The following SLC1A3 variants were observed in gnomAD, a reference collection of about 807,000 sequenced individuals.
SLC1A3 encodes excitatory amino acid transporter 1.
A neutral mutation model predicts 48.1 loss-of-function variants in SLC1A3; 21 were observed. The observed-to-expected ratio is 0.44, with a 90% CI of 0.31 to 0.63. The LOEUF is 0.63. Among genes scored for constraint, SLC1A3 ranks in the 20% least tolerant of loss-of-function variants. SLC1A3 has a pLI of 0.08. For missense variants in SLC1A3, 546 were observed against 689.0 expected (o/e 0.79, Z 2.32); for synonymous variants, 239 against 251.4 (o/e 0.95, Z 0.47).
At chr5:36,626,054 A>G (rs1322755828) in intron 2 of SLC1A3, among the ~76,000 whole-genome samples, 1 of 152,208 alleles carries the variant, frequency 6.6e-6, no homozygotes, top group African/African-American at 2.4e-5. Context: ...TCATTCATGG[A>G]GCTGGCTTAC....
intron 1 of SLC1A3, among the ~76,000 whole-genome samples, chr5:36,600,521 G>A (rs1335726612): frequency 6.6e-6 from 1 of 152,134 alleles, no homozygotes; most frequent in African/African-American, 2.4e-5. Context: ...AACAACTGAG[G>A]CCTGGGGTAC....
chr5:36,646,068 C>T (rs1302550736), intron 3 of SLC1A3, among the ~76,000 whole-genome samples: 1 of 152,218 alleles, frequency 6.6e-6, no homozygotes, highest in Non-Finnish European at 1.5e-5. Flanking sequence ...CCCCAGGAGA[C>T]TCTTTGGAGT....
intron 6 of SLC1A3, among the ~76,000 whole-genome samples, chr5:36,677,720 GA>G (rs1742271325): frequency 1.3e-5 from 2 of 152,320 alleles, no homozygotes; most frequent in Admixed American, 1.3e-4. Context: ...GGCCTCTGAG[GA>G]GGTGACGTAC....
intron 2 of SLC1A3, among the ~76,000 whole-genome samples, chr5:36,616,876 A>G (rs1739457832): frequency 6.6e-6 from 1 of 152,208 alleles, no homozygotes. Context: ...CCTGTGAAAA[A>G]AGTAGTCATG....
chr5:36,677,430 A>G (rs1044629901), intron 6 of SLC1A3, among the ~76,000 whole-genome samples: 1 of 152,222 alleles, frequency 6.6e-6, no homozygotes, highest in African/African-American at 2.4e-5. Flanking sequence ...GTGCTGATGG[A>G]ATCTCATTCC....
chr5:36,654,300 G>A (rs367775472), intron 3 of SLC1A3, among the ~76,000 whole-genome samples: 4 of 152,174 alleles, frequency 2.6e-5, no homozygotes, highest in East Asian at 1.9e-4. Context: ...AAATGTTCTC[G>A]TGCTGCAGAA....
chr5:36,621,212 A>C (rs1739653113), intron 2 of SLC1A3, among the ~76,000 whole-genome samples: 1 of 152,142 alleles, frequency 6.6e-6, no homozygotes, highest in Non-Finnish European at 1.5e-5. Context: ...GGCCGAACTA[A>C]ATCTTAAAGG....
At chr5:36,669,500 C>T (rs1324749797) in intron 3 of SLC1A3, 1 of 152,192 alleles carries the variant, frequency 6.6e-6, no homozygotes, top group Non-Finnish European at 1.5e-5. Context: ...TACACTGAAC[C>T]TAGTTACATA....
intron 6 of SLC1A3, among the ~76,000 whole-genome samples, chr5:36,678,562 A>G (rs1742304044): frequency 6.6e-6 from 1 of 152,172 alleles, no homozygotes; most frequent in South Asian, 2.1e-4. Context: ...TGAAAGAAGC[A>G]TTGTATTTTT....
At chr5:36,670,296 T>A (rs1438168527) in intron 3 of SLC1A3, among the ~76,000 whole-genome samples, 1 of 152,152 alleles carries the variant, frequency 6.6e-6, no homozygotes, top group Non-Finnish European at 1.5e-5. Context: ...AGATGAGGCA[T>A]CTCAGACCTG....
intron 3 of SLC1A3, among the ~76,000 whole-genome samples, chr5:36,634,667 AAC>A (rs1740266072): frequency 6.6e-6 from 1 of 152,176 alleles, no homozygotes. Context: ...AAACCAGAAA[AAC>A]AAAACACAAC....
chr5:36,658,514 C>T (rs542669313), intron 3 of SLC1A3, among the ~76,000 whole-genome samples: 2 of 152,274 alleles, frequency 1.3e-5, no homozygotes, highest in East Asian at 1.9e-4. Flanking sequence ...CCCTGGTAAA[C>T]GTATCTCAGA....
chr5:36,633,574 T>C (rs1445988622), intron 3 of SLC1A3, among the ~76,000 whole-genome samples: 2 of 152,194 alleles, frequency 1.3e-5, no homozygotes, highest in African/African-American at 4.8e-5. Flanking sequence ...CCCAAGAAGA[T>C]GTATGTTGGG....
At chr5:36,612,660 G>C (rs939933184) in intron 2 of SLC1A3, 15 of 317,572 alleles carry the variant, frequency 4.7e-5, no homozygotes, top group Non-Finnish European at 8.9e-5. Context: ...TGTATGGAAA[G>C]CACTATTGTG....
chr5:36,600,144 A>G (rs1738792294), intron 1 of SLC1A3, among the ~76,000 whole-genome samples: 1 of 152,166 alleles, frequency 6.6e-6, no homozygotes, highest in African/African-American at 2.4e-5. Context: ...AACAACTTGG[A>G]ATACACTCAG....
chr5:36,653,610 C>G (rs757368793), intron 3 of SLC1A3, among the ~76,000 whole-genome samples: 2 of 152,086 alleles, frequency 1.3e-5, no homozygotes, highest in Non-Finnish European at 2.9e-5. Context: ...GTAGAGTTTC[C>G]CAAGTGCCTC....
chr5:36,653,505 G>T (rs1227463180), intron 3 of SLC1A3, among the ~76,000 whole-genome samples: 1 of 152,198 alleles, frequency 6.6e-6, no homozygotes. Flanking sequence ...GGGCAGATCT[G>T]ACTTGGCACT....
chr5:36,604,516 T>C (rs916479111), upstream of SLC1A3, among the ~76,000 whole-genome samples: 1 of 152,108 alleles, frequency 6.6e-6, no homozygotes. Context: ...AGACTAAAAT[T>C]GGATGAACTC....
chr5:36,667,631 G>C (rs536133588), intron 3 of SLC1A3: 1 of 152,186 alleles, frequency 6.6e-6, no homozygotes, highest in African/African-American at 2.4e-5. Context: ...TTATACAATT[G>C]TCATGGAATT....
Sources: gnomAD v4.1 joint callset for allele counts (sites outside exome capture counted in the v4.1 genomes callset) on GRCh38, gnomAD v4.1.1 for gene constraint, MANE v1.5 for transcripts, NCBI Gene and HGNC (gene_info 2026-07-23, HGNC 2026-07-21) for gene names.